Variants in UBXN10 observed in about 807,000 individuals in gnomAD.
UBXN10 encodes UBX domain protein 10, also known as UBX domain-containing protein 10.
A neutral mutation model predicts 6.9 loss-of-function variants in UBXN10; 6 were observed. The ratio of observed to expected loss-of-function variants is 0.87; its 90% confidence interval spans 0.48 to 1.72. UBXN10 has a LOEUF of 1.72. Ranked by LOEUF, UBXN10 falls within the 40% of genes most tolerant of loss-of-function variation. The probability of loss-of-function intolerance (pLI) is 0.01; values close to 1 mark genes in which losing one functional copy is unlikely to be tolerated. For synonymous variants in UBXN10, 131 were observed against 135.2 expected (o/e 0.97, Z 0.21); for missense variants, 317 against 348.4 (o/e 0.91, Z 0.72).
Position 20,191,410 on chromosome 1 carries a change from C to T in UBXN10, c.*6C>T. On this transcript the variant is annotated 3_prime_UTR_variant, in exon 2 of 2. Coordinates refer to ENST00000375099, the MANE Select transcript of UBXN10 (RefSeq NM_152376.5). This position sits in a 1 kb window ranked among gnomAD's most constrained non-coding sequence, Gnocchi z 4.5. ...ATGGGGAAGGGTGGCCCTGAGTCCA[C>T]AGCCACCCAGCTGAGGTCCTGGGTC... 6.2e-7 allele frequency: 1 copy of T among 1,603,914 alleles called. No homozygotes were observed. Among genetic ancestry groups the T allele is most frequent in the Non-Finnish European group, 8.5e-7 (1 of 1,173,008 alleles).
chr1:20,183,816 G>A (rs1054507049), upstream of UBXN10, among the ~76,000 whole-genome samples: 1 of 152,214 alleles, frequency 6.6e-6, no homozygotes, highest in Non-Finnish European at 1.5e-5. Flanking sequence ...GGAGCAAGCT[G>A]GCTGCAGCCC....
upstream of UBXN10, among the ~76,000 whole-genome samples, chr1:20,183,460 A>G (rs2018308287): frequency 6.6e-6 from 1 of 152,174 alleles, no homozygotes; most frequent in Admixed American, 6.5e-5. Context: ...AGGTTGTAAA[A>G]TTGCTCTGCT....
rs1569949939 is a variant in UBXN10, at chr1:20,190,631, A to G, written c.70A>G (p.Ser24Gly). 1 of 1,613,980 alleles carries G rather than the reference A, an allele frequency of 6.2e-7. No individual in the cohort carries two copies. Among genetic ancestry groups the G allele is most frequent in the Non-Finnish European group, 8.5e-7 (1 of 1,180,012 alleles). ...CSTVVSTAVD[S>G]LIWQPNSLNM... is the part of the protein sequence containing the mutation. Reference sequence around the variant, plus strand: ...CACTGTTGTCAGCACAGCAGTTGACAGCCTCATTTGGCAGCCAAACTCACT... The same window carrying G: ...CACTGTTGTCAGCACAGCAGTTGACGGCCTCATTTGGCAGCCAAACTCACT... The change falls in exon 2 of 2, where the codon AGC (serine) becomes GGC (glycine). Residue 24 changes from serine (S) to glycine (G), a missense_variant. Transcript: ENST00000375099.
At chr1:20,183,725 T>A (rs1351149814), upstream of UBXN10, among the ~76,000 whole-genome samples, 1 of 152,172 alleles carries the variant, frequency 6.6e-6, no homozygotes, top group African/African-American at 2.4e-5. Flanking sequence ...TCAGTCATTT[T>A]GGCTTAACTT....
rs3179690 is a variant in UBXN10, at chr1:20,191,733, G to A, written c.*329G>A. 32,764 of 276,472 alleles carry A rather than the reference G, an allele frequency of 0.12. 2,487 individuals are homozygous for A. Among genetic ancestry groups the A allele is most frequent in the East Asian group, 0.28 (3,455 of 12,264 alleles). 17.1% of individuals were successfully genotyped at this position (276,472 alleles called of 1,614,324 possible). A position where few individuals can be genotyped will look rare whatever the true frequency, so the allele number is the denominator to read the frequency against. On this transcript the variant is annotated 3_prime_UTR_variant, in exon 2 of 2. Coordinates refer to ENST00000375099, the MANE Select transcript of UBXN10 (RefSeq NM_152376.5). The surrounding 1 kb of genome is among the most constrained non-coding windows in gnomAD (Gnocchi z 4.5). ...GAATTAATGGTCCTTTTCGAACACC[G>A]GCTTGCCTTTACAGTGAACTGTGAT...
chr1:20,192,181 T>TCTTTTG lies in UBXN10; in HGVS notation c.*784_*789dup, dbSNP rs1256951682. ...CGAGAAAAGCCAGTGCAGTCTGATT[T>TCTTTTG]CTTTTGCTTTTGTCAGTAATGGAAT... On this transcript the variant is annotated 3_prime_UTR_variant, in exon 2 of 2. Transcript: ENST00000375099. 6.0e-6 allele frequency: 1 copy of TCTTTTG among 167,152 alleles called. No homozygotes were observed. The highest frequency in any genetic ancestry group is 1.5e-5 in the Non-Finnish European group (1 of 68,136). The allele number at this position is 167,152 out of a possible 1,614,324, so 10.4% of individuals were successfully genotyped here.
Position 20,190,823 on chromosome 1 carries a change from C to G in UBXN10, c.262C>G (p.Pro88Ala), listed in dbSNP as rs113163326. The change falls in exon 2 of 2, where the codon CCA becomes GCA. Residue 88 changes from proline (P) to alanine (A), a missense_variant. Pro to Ala is a conservative substitution (Grantham distance 27). Coordinates refer to ENST00000375099, the MANE Select transcript of UBXN10 (RefSeq NM_152376.5). ...ACCAGGAGCCTGTGCACCCAAATCT[C>G]CAAACCAGGGAGCTTCTGATGAGAT... ...QKPGACAPKS[P>A]NQGASDEIPE... 4 of 1,613,884 alleles carry G rather than the reference C, an allele frequency of 2.5e-6. No homozygotes were observed. The highest frequency in any genetic ancestry group is 3.3e-5 in the Admixed American group (2 of 60,002).
rs199525085 is a variant in UBXN10 at position 20,190,623 on chromosome 1, C to G, written c.62C>G (p.Ala21Gly). The change falls in exon 2 of 2, where the codon GCA becomes GGA. Residue 21 changes from alanine to glycine, a missense_variant. Coordinates refer to ENST00000375099, the MANE Select transcript of UBXN10 (RefSeq NM_152376.5). ...GAGTGTAGCACTGTTGTCAGCACAG[C>G]AGTTGACAGCCTCATTTGGCAGCCA... is the stretch of plus-strand genomic sequence containing the variant. ...PPECSTVVSTAVDSLIWQPNS... is the reference protein window; with the variant it reads ...PPECSTVVSTGVDSLIWQPNS... The G allele has an allele frequency of 1.2e-5, 20 of 1,614,156 alleles. No individual in the cohort carries two copies. In the East Asian group the frequency reaches 4.2e-4, roughly 34 times the overall value.
rs546373504 is a variant in UBXN10 at position 20,194,263 on chromosome 1, C to T, written c.*2859C>T. ...ATGATAGGTTACTCTAGTATATTCC[C>T]TCATAAAGTCCAATAGGTAAATTAG... is the stretch of plus-strand genomic sequence containing the variant. On this transcript the variant is annotated 3_prime_UTR_variant, in exon 2 of 2. Transcript: ENST00000375099. 2 of 167,156 alleles carry T rather than the reference C, an allele frequency of 1.2e-5. No individual in the cohort carries two copies. Among genetic ancestry groups the T allele is most frequent in the Admixed American group, 1.3e-4 (2 of 15,294 alleles). The allele number at this position is 167,156 out of a possible 1,614,324, so 10.4% of individuals were successfully genotyped here.
In UBXN10 at chr1:20,191,174, T is replaced by A. The variant is rs1225569003; in HGVS notation, c.613T>A (p.Ser205Thr). ...ACCAAGGTTGCTGCTTGCTGTTAGA[T>A]CACCAACAGGCCAAAGGTTTGTACG... is the stretch of plus-strand genomic sequence containing the variant. ...QEPRLLLAVRSPTGQRFVRHF... is the reference protein window; with the variant it reads ...QEPRLLLAVRTPTGQRFVRHF... Residue 205 changes from serine to threonine, a missense_variant, in exon 2 of 2, where the codon TCA becomes ACA. By Grantham distance (58) the Ser-to-Thr change is moderately conservative. Transcript: ENST00000375099. The surrounding 1 kb of genome is among the most constrained non-coding windows in gnomAD (Gnocchi z 4.5). 8 of 1,614,180 alleles carry A rather than the reference T, an allele frequency of 5.0e-6. No individual in the cohort carries two copies. Among genetic ancestry groups the A allele is most frequent in the South Asian group, 1.1e-5 (1 of 91,082 alleles).
chr1:20,189,388 G>C (rs1176093701), intron 1 of UBXN10, among the ~76,000 whole-genome samples: 2 of 152,102 alleles, frequency 1.3e-5, no homozygotes, highest in African/African-American at 4.8e-5. Flanking sequence ...GGAGGAGGAG[G>C]TGCTGGTAGT....
At position 20,191,136 on chromosome 1, in the gene UBXN10, C is replaced by T. The variant is rs763681547; in HGVS notation, c.575C>T (p.Pro192Leu). 1 of 1,614,186 alleles carries T rather than the reference C, an allele frequency of 6.2e-7. No individual in the cohort carries two copies. The highest frequency in any genetic ancestry group is 1.7e-5 in the Admixed American group (1 of 60,018). Residue 192 changes from proline (P) to leucine (L), a missense_variant, in exon 2 of 2, where the codon CCA (proline) becomes CTA (leucine). Pro to Leu is a moderately conservative substitution (Grantham distance 98). Transcript: ENST00000375099. The surrounding 1 kb of genome is among the most constrained non-coding windows in gnomAD (Gnocchi z 4.5). ...TCCAGGGCTGGAAATCTGGAGGAAC[C>T]ATCGGACCAAGAACCAAGGTTGCTG... The part of the protein sequence containing the change: ...GSSRAGNLEE[P>L]SDQEPRLLLA...
rs2018475168 is a variant in UBXN10 at position 20,190,599 on chromosome 1, A to AGT, written c.41_42dup (p.Ser15ValfsTer19). On this transcript the variant is annotated frameshift_variant, in exon 2 of 2. Transcript: ENST00000375099. LOFTEE classifies it low-confidence loss of function (END_TRUNC). ...GCCCCTGTGAATATAGCACCACCTG[A>AGT]GTGTAGCACTGTTGTCAGCACAGCA... The AGT allele has an allele frequency of 6.2e-7, 1 of 1,613,966 alleles. No individual in the cohort carries two copies. The highest frequency in any genetic ancestry group is 1.7e-5 in the Admixed American group (1 of 59,998).
In UBXN10 at chr1:20,191,725, C is replaced by T; in HGVS notation, c.*321C>T. 2 of 291,912 alleles carry T rather than the reference C, an allele frequency of 6.9e-6. No individual in the cohort carries two copies. The highest frequency in any genetic ancestry group is 1.4e-5 in the Non-Finnish European group (2 of 146,882). The allele number at this position is 291,912 out of a possible 1,614,324, so 18.1% of individuals were successfully genotyped here. The stretch of plus-strand genomic sequence containing the variant: ...GTCCTTCTGAATTAATGGTCCTTTT[C>T]GAACACCGGCTTGCCTTTACAGTGA... On this transcript the variant is annotated 3_prime_UTR_variant, in exon 2 of 2. Coordinates refer to ENST00000375099, the MANE Select transcript of UBXN10 (RefSeq NM_152376.5). The surrounding 1 kb of genome is among the most constrained non-coding windows in gnomAD (Gnocchi z 4.5).
chr1:20,183,565 G>A (rs536987753), upstream of UBXN10, among the ~76,000 whole-genome samples: 1 of 152,340 alleles, frequency 6.6e-6, no homozygotes, highest in Non-Finnish European at 1.5e-5. Flanking sequence ...AAGATGAAGG[G>A]AGCCGACCTA....
In UBXN10 at chr1:20,193,121, G is replaced by A. The variant is rs994601581; in HGVS notation, c.*1717G>A. ...CAGAATTTGAGCCCAGCACCTAAAA[G>A]TACAGGAATTTCACTTCCCACCAGG... is the stretch of plus-strand genomic sequence containing the variant. On this transcript the variant is annotated 3_prime_UTR_variant, in exon 2 of 2. Coordinates refer to ENST00000375099, the MANE Select transcript of UBXN10 (RefSeq NM_152376.5). 1.2e-5 allele frequency: 2 copies of A among 167,058 alleles called. No homozygotes were observed. Among genetic ancestry groups the A allele is most frequent in the African/African-American group, 4.8e-5 (2 of 41,438 alleles). 10.3% of individuals were successfully genotyped at this position (167,058 alleles called of 1,614,324 possible). A position where few individuals can be genotyped will look rare whatever the true frequency, so the allele number is the denominator to read the frequency against.
rs1249544667 is a variant in UBXN10 at position 20,193,783 on chromosome 1, TG to T, written c.*2383del. On this transcript the variant is annotated 3_prime_UTR_variant, in exon 2 of 2. Transcript: ENST00000375099. ...AACATCATTCCAAGTACTCTGATTT[TG>T]GGGATTGGCAAGAACAAACTAAATC... 2 of 167,110 alleles carry T rather than the reference TG, an allele frequency of 1.2e-5. No homozygotes were observed. Among genetic ancestry groups the T allele is most frequent in the African/African-American group, 4.8e-5 (2 of 41,458 alleles). 10.4% of individuals were successfully genotyped at this position (167,110 alleles called of 1,614,324 possible). A position where few individuals can be genotyped will look rare whatever the true frequency, so the allele number is the denominator to read the frequency against.
intron 1 of UBXN10, among the ~76,000 whole-genome samples, chr1:20,189,587 C>T (rs758016884): frequency 2.6e-5 from 4 of 152,008 alleles, no homozygotes; most frequent in Non-Finnish European, 5.9e-5. Context: ...GGGTGCCTAT[C>T]GGGTAGCTGG....
At position 20,190,637 on chromosome 1, in the gene UBXN10, A is replaced by G; in HGVS notation, c.76A>G (p.Ile26Val). 5 of 1,614,200 alleles carry G rather than the reference A, an allele frequency of 3.1e-6. No homozygotes were observed. The highest frequency in any genetic ancestry group is 4.2e-6 in the Non-Finnish European group (5 of 1,180,034). Reference sequence around the variant, plus strand: ...TGTCAGCACAGCAGTTGACAGCCTCATTTGGCAGCCAAACTCACTAAATAT... The same window carrying G: ...TGTCAGCACAGCAGTTGACAGCCTCGTTTGGCAGCCAAACTCACTAAATAT... ...TVVSTAVDSLIWQPNSLNMHM... is the reference protein window; with the variant it reads ...TVVSTAVDSLVWQPNSLNMHM... The change falls in exon 2 of 2, where the codon ATT becomes GTT. Residue 26 changes from isoleucine to valine, a missense_variant. Transcript: ENST00000375099.
Sources: gnomAD v4.1 joint callset for allele counts (sites outside exome capture counted in the v4.1 genomes callset) on GRCh38, gnomAD v4.1.1 for gene constraint, Gnocchi (gnomAD v3.1) non-coding constraint, MANE v1.5 for transcripts, NCBI Gene and HGNC (gene_info 2026-07-23, HGNC 2026-07-21) for gene names.